Variants in MARCHF7 observed in about 807,000 individuals in gnomAD.
MARCHF7 encodes membrane associated ring-CH-type finger 7.
Under a neutral mutation model 76.5 loss-of-function variants are expected in MARCHF7, and 20 were observed. That is an observed-to-expected ratio of 0.26 (90% CI 0.18 to 0.38). The LOEUF (loss-of-function observed/expected upper bound fraction) is 0.38. Ranked by LOEUF, MARCHF7 falls within the 10% of genes least tolerant of loss-of-function variation. MARCHF7 has a pLI of 1.00. For synonymous variants in MARCHF7, 295 were observed against 293.0 expected (o/e 1.01, Z -0.07); for missense variants, 797 against 812.9 (o/e 0.98, Z 0.24).
At chr2:159,759,137 ATTTAT>A (rs926067451) in intron 8 of MARCHF7, 84 bp from the exon 9 acceptor site, 25 of 729,564 alleles carry the variant, frequency 3.4e-5, no homozygotes, top group Non-Finnish European at 5.1e-5. Flanking sequence ...TTAAGGTTTT[ATTTAT>A]TTTAAGCTTA....
chr2:159,719,208 TTTTTTAAAAATATTTTTTGTAGAGACG>T (rs1396901814), intron 3 of MARCHF7, among the ~76,000 whole-genome samples: 3 of 152,096 alleles, frequency 2.0e-5, no homozygotes, highest in Non-Finnish European at 4.4e-5. Flanking sequence ...CTGCTTATTC[TTTTTTAAAAATATTTTTTGTAGAGACG>T]GGGTGTCAAT....
rs979695002 is a variant in MARCHF7 at position 159,770,263 on chromosome 2, T to C, written c.*2921T>C. The C allele has an allele frequency of 3.9e-5, 6 of 152,202 alleles. No homozygotes were observed. The highest frequency in any genetic ancestry group is 1.4e-4 in the African/African-American group (6 of 41,448). The allele number at this position is 152,202 out of a possible 1,614,324, so 9.4% of individuals were successfully genotyped here. On this transcript the variant is annotated 3_prime_UTR_variant, in exon 12 of 12. Coordinates refer to ENST00000409175, the MANE Select transcript of MARCHF7 (RefSeq NM_001282805.2). ...AATAAAATAGACATCTCAATCACTA[T>C]ACAAAATCTCAGAAATGTAAAGCTC...
chr2:159,755,709 G>T (rs1412834361), intron 8 of MARCHF7, among the ~76,000 whole-genome samples: 2 of 152,178 alleles, frequency 1.3e-5, no homozygotes, highest in Non-Finnish European at 2.9e-5. Context: ...TAGAAAATTA[G>T]ATCAGATTTT....
At chr2:159,727,160 C>T (rs1702266574) in intron 3 of MARCHF7, among the ~76,000 whole-genome samples, 1 of 152,110 alleles carries the variant, frequency 6.6e-6, no homozygotes, top group Non-Finnish European at 1.5e-5. Context: ...GCATATGGTA[C>T]AATATAGATG....
intron 9 of MARCHF7, among the ~76,000 whole-genome samples, chr2:159,759,786 T>C (rs1034802609): frequency 1.3e-5 from 2 of 152,146 alleles, no homozygotes; most frequent in Non-Finnish European, 2.9e-5. Context: ...GTAAAAGGAA[T>C]GCATGAAGTG....
At chr2:159,753,755 TATC>T (rs1439099399) in intron 8 of MARCHF7, among the ~76,000 whole-genome samples, 1 of 152,178 alleles carries the variant, frequency 6.6e-6, no homozygotes, top group Non-Finnish European at 1.5e-5. Flanking sequence ...AGGAGTCTAT[TATC>T]AGAGCACTTG....
chr2:159,730,338 T>C (rs1303356632), intron 4 of MARCHF7, among the ~76,000 whole-genome samples: 1 of 152,248 alleles, frequency 6.6e-6, no homozygotes, highest in African/African-American at 2.4e-5. Context: ...TGAAAATTTC[T>C]TTGTGTTAAG....
intron 3 of MARCHF7, among the ~76,000 whole-genome samples, chr2:159,728,774 G>C (rs1702449248): frequency 6.6e-6 from 1 of 152,192 alleles, no homozygotes; most frequent in African/African-American, 2.4e-5. Context: ...ACAGACCTCA[G>C]AGTTCTTCAT....
In MARCHF7 at chr2:159,762,981, C is replaced by T. The variant is rs1253080645; in HGVS notation, c.1995C>T (p.Ser665=). The change falls in exon 10 of 12, where the codon AGC becomes AGT. Residue 665 remains serine (S), a synonymous_variant. Transcript: ENST00000409175. ...SDMMGNTNEP[S]TRVRFINLAR... Reference sequence around the variant, plus strand: ...TGATGGGAAATACAAATGAACCAAGCACACGTGTCCGAGTAAGTAATAATG... The same window carrying T: ...TGATGGGAAATACAAATGAACCAAGTACACGTGTCCGAGTAAGTAATAATG... 1.9e-6 allele frequency: 3 copies of T among 1,610,016 alleles called. No homozygotes were observed. Among genetic ancestry groups the T allele is most frequent in the Non-Finnish European group, 2.5e-6 (3 of 1,178,056 alleles).
chr2:159,764,310 T>G (rs1329744037), intron 10 of MARCHF7, among the ~76,000 whole-genome samples: 1 of 151,928 alleles, frequency 6.6e-6, no homozygotes, highest in East Asian at 1.9e-4. Flanking sequence ...GGTGGTTTTT[T>G]GTTTTTTGTT....
rs1294972963 is a variant in MARCHF7, at chr2:159,719,398, G to A, written c.-15+3632G>A. ...CTTGACCACCCCCCACCACCACCCC[G>A]CCCACTCCCAATCCCCTGAAAGAAA... On this transcript the variant is annotated intron_variant, in intron 3 of 11. Transcript: ENST00000409175. Among the ~76,000 whole-genome samples the A allele has an allele frequency of 2.1e-5, 3 of 141,180 alleles. 1 individual carries two copies. Among genetic ancestry groups the A allele is most frequent in the East Asian group, 4.7e-4 (2 of 4,236 alleles). 92.6% of individuals were successfully genotyped at this position (141,180 alleles called of 152,430 possible).
At chr2:159,741,931 TA>T (rs1244264539) in intron 4 of MARCHF7, among the ~76,000 whole-genome samples, 3 of 152,208 alleles carry the variant, frequency 2.0e-5, no homozygotes, top group African/African-American at 4.8e-5. Context: ...TGTGTCCAGA[TA>T]ATTACTTTGC....
In MARCHF7 at chr2:159,745,948, A is replaced by G; in HGVS notation, c.514+11A>G. Reference sequence around the variant, plus strand: ...TCACAACTTCATCATGTATGTATAAATTACATCAAGTATAACTTCTCATAA... The same window carrying G: ...TCACAACTTCATCATGTATGTATAAGTTACATCAAGTATAACTTCTCATAA... On this transcript the variant is annotated intron_variant, in intron 6 of 11. Coordinates refer to ENST00000409175, the MANE Select transcript of MARCHF7 (RefSeq NM_001282805.2). 6.2e-7 allele frequency: 1 copy of G among 1,601,666 alleles called. No individual in the cohort carries two copies. The highest frequency in any genetic ancestry group is 8.5e-7 in the Non-Finnish European group (1 of 1,173,682).
At chr2:159,714,892 G>A (rs1700860376) in intron 2 of MARCHF7, among the ~76,000 whole-genome samples, 1 of 152,164 alleles carries the variant, frequency 6.6e-6, no homozygotes, top group Admixed American at 6.5e-5. Context: ...CTGCACTCCA[G>A]CCTGCACCAC....
At position 159,770,389 on chromosome 2, in the gene MARCHF7, C is replaced by T. The variant is rs1238543771; in HGVS notation, c.*3047C>T. The T allele has an allele frequency of 3.9e-5, 6 of 152,118 alleles. No individual in the cohort carries two copies. 9.4% of individuals were successfully genotyped at this position (152,118 alleles called of 1,614,324 possible). A position where few individuals can be genotyped will look rare whatever the true frequency, so the allele number is the denominator to read the frequency against. ...ATAGTTTTCTATCACTTTTTAGTTACTCATGTCTCATTAATGATAGTGCCA... is the reference window on the plus strand; with the variant it reads ...ATAGTTTTCTATCACTTTTTAGTTATTCATGTCTCATTAATGATAGTGCCA... On this transcript the variant is annotated 3_prime_UTR_variant, in exon 12 of 12. Transcript: ENST00000409175.
At position 159,762,878 on chromosome 2, in the gene MARCHF7, A is replaced by G. The variant is rs1279330818; in HGVS notation, c.1894-2A>G. Reference sequence around the variant, plus strand: ...TTTCTCCTGTTTGCTTCCCTGTTGAAGGCTGAGTATGAGTTTATCAGCTCT... The same window carrying G: ...TTTCTCCTGTTTGCTTCCCTGTTGAGGGCTGAGTATGAGTTTATCAGCTCT... On this transcript the variant is annotated splice_acceptor_variant, in intron 9 of 11. Coordinates refer to ENST00000409175, the MANE Select transcript of MARCHF7 (RefSeq NM_001282805.2). LOFTEE classifies it high-confidence loss of function. 1 of 1,590,592 alleles carries G rather than the reference A, an allele frequency of 6.3e-7. No homozygotes were observed. Among genetic ancestry groups the G allele is most frequent in the Non-Finnish European group, 8.6e-7 (1 of 1,168,244 alleles).
intron 4 of MARCHF7, among the ~76,000 whole-genome samples, chr2:159,739,957 A>AATG (rs1309621952): frequency 1.3e-5 from 2 of 152,212 alleles, no homozygotes; most frequent in African/African-American, 4.8e-5. Flanking sequence ...TCAAGAATCA[A>AATG]ATGAAATTCA....
chr2:159,724,878 G>T (rs1274498570), intron 3 of MARCHF7, among the ~76,000 whole-genome samples: 2 of 152,046 alleles, frequency 1.3e-5, no homozygotes, highest in Non-Finnish European at 2.9e-5. Flanking sequence ...TCCCTGCCCT[G>T]TGTCCAAGTG....
intron 9 of MARCHF7, among the ~76,000 whole-genome samples, chr2:159,761,791 G>A (rs910939780): frequency 5.9e-5 from 9 of 152,154 alleles, no homozygotes; most frequent in East Asian, 3.8e-4. Flanking sequence ...AGTTCTTAAC[G>A]TCTGATGAAC....
Sources: gnomAD v4.1 joint callset for allele counts (sites outside exome capture counted in the v4.1 genomes callset) on GRCh38, gnomAD v4.1.1 for gene constraint, MANE v1.5 for transcripts, NCBI Gene and HGNC (gene_info 2026-07-23, HGNC 2026-07-21) for gene names.